Variants in BLTP1 observed in about 807,000 individuals in gnomAD.
BLTP1 encodes fragile site-associated protein.
the BLTP1 span, chr4:122,292,332 T>C: frequency 1.1e-6 from 1 of 921,848 alleles, no homozygotes; most frequent in Non-Finnish European, 1.3e-6. Context: ...ATTATTTTTT[T>C]TGTAAAACAA....
chr4:122,224,726 T>C, the BLTP1 span: 2 of 1,613,228 alleles, frequency 1.2e-6, no homozygotes, highest in African/African-American at 1.3e-5. Context: ...TTTTCCTTTC[T>C]CTACCCACCT....
At chr4:122,231,726 G>A in the BLTP1 span, 1 of 975,298 alleles carries the variant, frequency 1.0e-6, no homozygotes, top group East Asian at 1.1e-4. Context: ...TTTTATATGG[G>A]GTGCATGTGT....
At chr4:122,316,944 T>A in the BLTP1 span, 11 of 955,372 alleles carry the variant, frequency 1.2e-5, no homozygotes, top group South Asian at 1.8e-5. Flanking sequence ...AAACTGTATT[T>A]GGTCTAATAC....
chr4:122,211,621 G>A, the BLTP1 span, among the ~76,000 whole-genome samples: 1 of 152,086 alleles, frequency 6.6e-6, no homozygotes, highest in African/African-American at 2.4e-5. Context: ...TCAAACTTAG[G>A]TTCTAAATAA....
chr4:122,354,844 T>C, the BLTP1 span, among the ~76,000 whole-genome samples: 3 of 151,954 alleles, frequency 2.0e-5, no homozygotes, highest in African/African-American at 7.3e-5. Flanking sequence ...TTTTTGTATT[T>C]TTAGTAGAGA....
the BLTP1 span, chr4:122,272,298 T>C: frequency 6.2e-7 from 1 of 1,613,374 alleles, no homozygotes; most frequent in Non-Finnish European, 8.5e-7. Context: ...GTGTTTGGGA[T>C]TGGCATGGTG....
At chr4:122,166,334 C>T in the BLTP1 span, among the ~76,000 whole-genome samples, 13 of 152,236 alleles carry the variant, frequency 8.5e-5, 1 homozygote, top group East Asian at 2.5e-3. Flanking sequence ...ATAGGGAATC[C>T]TTTCCCCATT....
chr4:122,256,459 G>T, the BLTP1 span, among the ~76,000 whole-genome samples: 24 of 152,320 alleles, frequency 1.6e-4, no homozygotes, highest in African/African-American at 5.5e-4. Flanking sequence ...GTCATGCAAG[G>T]CTGGGAATGA....
At chr4:122,153,824 A>T in the BLTP1 span, 1 of 206,302 alleles carries the variant, frequency 4.8e-6, no homozygotes, top group Non-Finnish European at 8.5e-6. Flanking sequence ...GGAAGGCTTC[A>T]GTTTGGAAGT....
the BLTP1 span, chr4:122,331,355 T>C: frequency 6.2e-7 from 1 of 1,611,444 alleles, no homozygotes; most frequent in Non-Finnish European, 8.5e-7. Flanking sequence ...GCAACAGGCT[T>C]TGCTGCTGTT....
the BLTP1 span, chr4:122,345,932 A>C: frequency 2.9e-6 from 2 of 687,296 alleles, no homozygotes; most frequent in Non-Finnish European, 3.6e-6. Context: ...TTTAGCTTAG[A>C]TGACTGAAGG....
At chr4:122,228,935 A>G in the BLTP1 span, 1 of 186,150 alleles carries the variant, frequency 5.4e-6, no homozygotes, top group South Asian at 1.8e-4. Context: ...TCTAACGTAT[A>G]GTTTTCTAAT....
the BLTP1 span, chr4:122,254,843 G>A: frequency 6.2e-7 from 1 of 1,610,172 alleles, no homozygotes; most frequent in Admixed American, 1.7e-5. Context: ...CCAGCTGTTG[G>A]TGCATGGCTT....
the BLTP1 span, among the ~76,000 whole-genome samples, chr4:122,267,230 T>G: frequency 6.6e-6 from 1 of 151,814 alleles, no homozygotes; most frequent in Non-Finnish European, 1.5e-5. Flanking sequence ...GGCTAATGTT[T>G]TTGTATTTTT....
chr4:122,205,724 A>C, the BLTP1 span, among the ~76,000 whole-genome samples: 3 of 148,226 alleles, frequency 2.0e-5, no homozygotes, highest in South Asian at 2.1e-4. Context: ...CTCTCTCTCT[A>C]AAGTCTGTGC....
At chr4:122,187,944 A>G in the BLTP1 span, 1 of 1,593,326 alleles carries the variant, frequency 6.3e-7, no homozygotes, top group Non-Finnish European at 8.5e-7. Flanking sequence ...CTGTGCATCA[A>G]CTTTGATGAT....
the BLTP1 span, chr4:122,313,609 T>G: frequency 3.4e-4 from 540 of 1,565,236 alleles, 3 homozygotes; most frequent in African/African-American, 6.6e-3. Context: ...AAACTATTTT[T>G]GGGGTGATTT....
At chr4:122,173,730 TG>T in the BLTP1 span, among the ~76,000 whole-genome samples, 1 of 152,310 alleles carries the variant, frequency 6.6e-6, no homozygotes, top group African/African-American at 2.4e-5. Context: ...AATATCCGCT[TG>T]GTTATGTCCT....
At chr4:122,299,040 T>C in the BLTP1 span, 1 of 985,374 alleles carries the variant, frequency 1.0e-6, no homozygotes, top group Non-Finnish European at 1.2e-6. Context: ...TCAGCTAAGG[T>C]ACTGCTTGCT....
Sources: allele counts gnomAD v4.1 joint callset (sites outside exome capture counted in the v4.1 genomes callset), GRCh38; gene constraint gnomAD v4.1.1; transcripts MANE v1.5; gene names NCBI Gene and HGNC (gene_info 2026-07-23, HGNC 2026-07-21).